C8orf34: variants seen among roughly 807,000 people sequenced by gnomAD.
The protein encoded by C8orf34 is uncharacterized protein C8orf34.
Under a neutral mutation model 68.3 loss-of-function variants are expected in C8orf34, and 65 were observed. The ratio of observed to expected loss-of-function variants is 0.95; its 90% CI spans 0.78 to 1.17. The LOEUF is 1.17. Among genes scored for constraint, C8orf34 ranks in the 50% most tolerant of loss-of-function variants. The pLI, the probability that C8orf34 is intolerant of heterozygous loss-of-function variation, is 0.00. For missense variants in C8orf34, 664 were observed against 655.4 expected (o/e 1.01, Z -0.14); for synonymous variants, 244 against 241.2 (o/e 1.01, Z -0.11).
chr8:68,452,914 G>A (rs1019948665), intron 3 of C8orf34, among the ~76,000 whole-genome samples: 11 of 151,636 alleles, frequency 7.3e-5, no homozygotes, highest in African/African-American at 2.4e-4. Flanking sequence ...CATGTGGGTA[G>A]TTGTTCCATT....
At chr8:68,621,362 T>A (rs1436415238) in intron 7 of C8orf34, among the ~76,000 whole-genome samples, 1 of 152,222 alleles carries the variant, frequency 6.6e-6, no homozygotes, top group African/African-American at 2.4e-5. Context: ...GGATCATATT[T>A]TTCCTACCCA....
chr8:68,759,716 G>A (rs1822972077), intron 10 of C8orf34, among the ~76,000 whole-genome samples: 1 of 152,212 alleles, frequency 6.6e-6, no homozygotes, highest in Non-Finnish European at 1.5e-5. Flanking sequence ...CAGGATGCAT[G>A]TTTGTTTAAA....
chr8:68,732,250 C>A (rs984979611), intron 10 of C8orf34, among the ~76,000 whole-genome samples: 1 of 152,080 alleles, frequency 6.6e-6, no homozygotes, highest in Non-Finnish European at 1.5e-5. Flanking sequence ...TAAACTCTTG[C>A]CAGAATTAAG....
At chr8:68,808,570 A>C (rs1156907580) in intron 12 of C8orf34, among the ~76,000 whole-genome samples, 1 of 150,792 alleles carries the variant, frequency 6.6e-6, no homozygotes, top group African/African-American at 2.4e-5. Flanking sequence ...TATATATATA[A>C]AGAAATAAAA....
chr8:68,787,467 G>GTAGT lies in C8orf34; in HGVS notation c.1482_1485dup (p.His496SerfsTer10). On this transcript the variant is annotated frameshift_variant, in exon 12 of 14. Transcript: ENST00000518698. LOFTEE classifies it high-confidence loss of function. ...GGATGAATCCTTAAAGCAATTGCAG[G>GTAGT]TAGTTCATCAACCATGGATCTTGCC... 1 of 1,612,012 alleles carries GTAGT rather than the reference G, an allele frequency of 6.2e-7. No individual in the cohort carries two copies.
At chr8:68,416,616 C>T (rs1809678947) in intron 1 of C8orf34, among the ~76,000 whole-genome samples, 1 of 152,008 alleles carries the variant, frequency 6.6e-6, no homozygotes, top group South Asian at 2.1e-4. Context: ...ACTGCAACCT[C>T]CTCCTACCAG....
At chr8:68,384,796 T>C (rs1808190794) in intron 1 of C8orf34, among the ~76,000 whole-genome samples, 1 of 152,162 alleles carries the variant, frequency 6.6e-6, no homozygotes, top group Admixed American at 6.5e-5. Flanking sequence ...TTTTGAAAGA[T>C]TGGAAATGTA....
intron 7 of C8orf34, among the ~76,000 whole-genome samples, chr8:68,620,951 G>T (rs1323921902): frequency 6.6e-6 from 1 of 152,156 alleles, no homozygotes; most frequent in Non-Finnish European, 1.5e-5. Flanking sequence ...GGAATGGAGG[G>T]AGTTGTTTAT....
At chr8:68,398,503 T>C (rs951634651) in intron 1 of C8orf34, among the ~76,000 whole-genome samples, 1 of 152,174 alleles carries the variant, frequency 6.6e-6, no homozygotes, top group African/African-American at 2.4e-5. Flanking sequence ...ATAAAGTATT[T>C]TTTTTGGTGT....
At chr8:68,354,882 T>C (rs970357400) in intron 1 of C8orf34, among the ~76,000 whole-genome samples, 30 of 152,082 alleles carry the variant, frequency 2.0e-4, no homozygotes, top group African/African-American at 6.5e-4. Flanking sequence ...AGTGTACAGA[T>C]ACTGTAGCGT....
intron 6 of C8orf34, among the ~76,000 whole-genome samples, chr8:68,524,931 A>G (rs999158460): frequency 1.3e-5 from 2 of 152,196 alleles, no homozygotes; most frequent in African/African-American, 2.4e-5. Flanking sequence ...TCACCTTATT[A>G]AAACAAAAAT....
At chr8:68,750,623 T>C (rs760748546) in intron 10 of C8orf34, among the ~76,000 whole-genome samples, 2 of 152,120 alleles carry the variant, frequency 1.3e-5, no homozygotes, top group Non-Finnish European at 2.9e-5. Flanking sequence ...ACGTGCATTT[T>C]ACCATAATAA....
chr8:68,487,561 TC>T (rs1177204759), intron 4 of C8orf34, among the ~76,000 whole-genome samples: 1 of 152,216 alleles, frequency 6.6e-6, no homozygotes, highest in Non-Finnish European at 1.5e-5. Flanking sequence ...AACTTTCTCA[TC>T]TATTTCCTCA....
intron 1 of C8orf34, among the ~76,000 whole-genome samples, chr8:68,432,392 C>A (rs548595887): frequency 6.6e-6 from 1 of 151,866 alleles, no homozygotes; most frequent in Admixed American, 6.6e-5. Flanking sequence ...CTCACTGCAA[C>A]CTTTGCTTCC....
intron 11 of C8orf34, among the ~76,000 whole-genome samples, chr8:68,786,472 T>C (rs1260097362): frequency 6.6e-6 from 1 of 152,188 alleles, no homozygotes; most frequent in Non-Finnish European, 1.5e-5. Context: ...GTATAATTAT[T>C]ACATGGTATG....
intron 12 of C8orf34, among the ~76,000 whole-genome samples, chr8:68,794,502 TATA>T (rs201305070): frequency 2.8e-5 from 2 of 72,128 alleles, no homozygotes; most frequent in African/African-American, 7.1e-5. Flanking sequence ...TATATATATA[TATA>T]TTTTTTTTTT....
chr8:68,455,297 G>T (rs556339523), intron 3 of C8orf34, among the ~76,000 whole-genome samples: 1 of 151,992 alleles, frequency 6.6e-6, no homozygotes, highest in Admixed American at 6.5e-5. Flanking sequence ...GTCTTTATTG[G>T]TCTTCCTTCT....
intron 1 of C8orf34, among the ~76,000 whole-genome samples, chr8:68,406,070 AG>A (rs1809178096): frequency 6.6e-6 from 1 of 152,140 alleles, no homozygotes; most frequent in African/African-American, 2.4e-5. Flanking sequence ...GAGTGTCAGG[AG>A]GTGGGTTGTG....
intron 3 of C8orf34, among the ~76,000 whole-genome samples, chr8:68,464,864 C>A (rs1329976372): frequency 6.6e-6 from 1 of 152,016 alleles, no homozygotes; most frequent in African/African-American, 2.4e-5. Context: ...AAAACCTAGG[C>A]AATACCATTC....
Sources: gnomAD v4.1 joint callset for allele counts (sites outside exome capture counted in the v4.1 genomes callset) on GRCh38, gnomAD v4.1.1 for gene constraint, MANE v1.5 for transcripts, NCBI Gene and HGNC (gene_info 2026-07-23, HGNC 2026-07-21) for gene names.